Variants in ZBTB20 observed in about 807,000 individuals in gnomAD.
ZBTB20 encodes the protein zinc finger and BTB domain-containing protein 20.
ZBTB20 carries 9 observed loss-of-function variants against 56.9 expected under a neutral mutation model. That is an observed-to-expected ratio of 0.16 (90% confidence interval 0.10 to 0.28). The LOEUF is 0.28. ZBTB20 is among the 10% of genes least tolerant of loss of function. The probability of loss-of-function intolerance (pLI) is 1.00; values close to 1 mark genes in which losing one functional copy is unlikely to be tolerated. For missense variants in ZBTB20, 655 were observed against 1,003.0 expected (o/e 0.65, Z 4.69); for synonymous variants, 417 against 420.7 (o/e 0.99, Z 0.11).
At chr3:114,953,300 T>A in intron 3 of ZBTB20, among the ~76,000 whole-genome samples, 2 of 149,274 alleles carry the variant, frequency 1.3e-5, no homozygotes, top group African/African-American at 2.5e-5. Context: ...AAACAGAAAA[T>A]GAAAAACAAA....
chr3:115,116,119 AACTAATCTGTC>A (rs1309574584), intron 1 of ZBTB20, among the ~76,000 whole-genome samples: 4 of 151,946 alleles, frequency 2.6e-5, no homozygotes, highest in African/African-American at 4.8e-5. Context: ...GTTTTAGTTA[AACTAATCTGTC>A]ACTAATCTGT....
At chr3:115,083,672 A>G (rs918982955) in intron 1 of ZBTB20, among the ~76,000 whole-genome samples, 1 of 152,042 alleles carries the variant, frequency 6.6e-6, no homozygotes, top group South Asian at 2.1e-4. Context: ...AGCTCATGCT[A>G]TAATTCCAAT....
chr3:114,866,600 A>T (rs2075771732), intron 4 of ZBTB20, among the ~76,000 whole-genome samples: 1 of 152,206 alleles, frequency 6.6e-6, no homozygotes, highest in African/African-American at 2.4e-5. Context: ...TGAGTAAAGC[A>T]GATTGGCCTC....
intron 1 of ZBTB20, among the ~76,000 whole-genome samples, chr3:115,088,901 T>C (rs1033132526): frequency 1.3e-5 from 2 of 151,892 alleles, no homozygotes; most frequent in Non-Finnish European, 2.9e-5. Flanking sequence ...ATTGGAATTT[T>C]CCTTCAAATA....
intron 2 of ZBTB20, among the ~76,000 whole-genome samples, chr3:114,978,990 G>GA (rs1326490553): frequency 3.8e-4 from 57 of 148,434 alleles, no homozygotes; most frequent in Non-Finnish European, 5.2e-4. Context: ...TTTTTTTAGA[G>GA]AAAAAAAAAT....
intron 7 of ZBTB20, among the ~76,000 whole-genome samples, chr3:114,389,699 C>T (rs2108619996): frequency 6.8e-6 from 1 of 146,728 alleles, no homozygotes; most frequent in Admixed American, 6.9e-5. Flanking sequence ...ACCATCCCAG[C>T]CAACACAGTG....
At position 114,505,454 on chromosome 3, in the gene ZBTB20, G is replaced by C. The variant is rs72952544; in HGVS notation, c.-294-5063C>G. Among the ~76,000 whole-genome samples, 364 of 152,266 alleles carry C rather than the reference G, an allele frequency of 2.4e-3. 1 individual carries two copies. The highest frequency in any genetic ancestry group is 7.6e-3 in the African/African-American group (317 of 41,578). On this transcript the variant is annotated intron_variant, in intron 6 of 11. Transcript: ENST00000675478. ...GTCACTGCACTGATGACAGAGCTGA[G>C]GAATTTGGATGAACTGAAGTTTGAC... is the stretch of plus-strand genomic sequence containing the variant.
chr3:114,805,010 C>T (rs2071999566), intron 4 of ZBTB20, among the ~76,000 whole-genome samples: 1 of 151,748 alleles, frequency 6.6e-6, no homozygotes, highest in African/African-American at 2.4e-5. Flanking sequence ...CGATAATTAT[C>T]CTTTAATCTA....
chr3:114,732,483 T>C (rs1041825462), intron 5 of ZBTB20, among the ~76,000 whole-genome samples: 1 of 152,144 alleles, frequency 6.6e-6, no homozygotes, highest in African/African-American at 2.4e-5. Context: ...GAGGAAAATG[T>C]ACTATGATTA....
At chr3:114,924,015 G>A (rs182245417) in intron 3 of ZBTB20, among the ~76,000 whole-genome samples, 92 of 152,226 alleles carry the variant, frequency 6.0e-4, no homozygotes, top group African/African-American at 1.9e-3. Flanking sequence ...CAAAACTACA[G>A]TGAGATATCA....
At chr3:114,715,937 T>A (rs1460394184) in intron 5 of ZBTB20, among the ~76,000 whole-genome samples, 1 of 152,200 alleles carries the variant, frequency 6.6e-6, no homozygotes, top group Non-Finnish European at 1.5e-5. Flanking sequence ...TTACACAAAG[T>A]TGGACTGGAA....
intron 2 of ZBTB20, among the ~76,000 whole-genome samples, chr3:115,028,292 A>G (rs993068856): frequency 3.3e-5 from 5 of 150,838 alleles, no homozygotes; most frequent in Admixed American, 1.3e-4. Flanking sequence ...AGCCTAAAAC[A>G]GTACAGCAAA....
At chr3:114,869,604 C>T (rs1010317220) in intron 4 of ZBTB20, among the ~76,000 whole-genome samples, 1 of 151,986 alleles carries the variant, frequency 6.6e-6, no homozygotes, top group Non-Finnish European at 1.5e-5. Flanking sequence ...CAAAGCCTAC[C>T]GTGTTAATAA....
chr3:114,999,747 C>T (rs1055440454), intron 2 of ZBTB20, among the ~76,000 whole-genome samples: 1 of 151,742 alleles, frequency 6.6e-6, no homozygotes, highest in Admixed American at 6.6e-5. Flanking sequence ...CTTTATACTA[C>T]CACCTCTCCA....
At chr3:114,745,056 A>G (rs1462877918) in intron 5 of ZBTB20, among the ~76,000 whole-genome samples, 5 of 152,208 alleles carry the variant, frequency 3.3e-5, no homozygotes, top group Non-Finnish European at 7.3e-5. Flanking sequence ...GTGGCAGAGA[A>G]ACTACAGTTA....
At chr3:115,049,122 G>A (rs543543838) in intron 2 of ZBTB20, among the ~76,000 whole-genome samples, 2 of 151,906 alleles carry the variant, frequency 1.3e-5, no homozygotes, top group South Asian at 2.1e-4. Context: ...TGCTCTCTTA[G>A]CCATCATGTC....
chr3:114,990,753 T>C (rs2078767594), intron 2 of ZBTB20, among the ~76,000 whole-genome samples: 1 of 152,164 alleles, frequency 6.6e-6, no homozygotes, highest in African/African-American at 2.4e-5. Flanking sequence ...TTTTGGTTGG[T>C]AGGCTATTAA....
intron 3 of ZBTB20, among the ~76,000 whole-genome samples, chr3:114,911,091 C>A (rs568316329): frequency 6.8e-6 from 1 of 146,954 alleles, no homozygotes; most frequent in Non-Finnish European, 1.5e-5. Context: ...AGACATATAC[C>A]CCCACAGCAA....
At chr3:114,589,484 T>C (rs2055525482) in intron 6 of ZBTB20, among the ~76,000 whole-genome samples, 1 of 152,218 alleles carries the variant, frequency 6.6e-6, no homozygotes, top group African/African-American at 2.4e-5. Flanking sequence ...TGTCCTATTC[T>C]GTGGAAAATC....
Sources: allele counts gnomAD v4.1 joint callset (sites outside exome capture counted in the v4.1 genomes callset), GRCh38; gene constraint gnomAD v4.1.1; transcripts MANE v1.5; gene names NCBI Gene and HGNC (gene_info 2026-07-23, HGNC 2026-07-21).